DAPK1: variants seen among roughly 807,000 people sequenced by gnomAD.
DAPK1 encodes death-associated protein kinase 1.
A neutral mutation model predicts 144.9 loss-of-function variants in DAPK1; 56 were observed. The ratio of observed to expected loss-of-function variants is 0.39; its 90% CI spans 0.31 to 0.48. DAPK1 has a LOEUF of 0.48. DAPK1 is among the 20% of genes least tolerant of loss of function. The probability of loss-of-function intolerance (pLI) is 0.95; values close to 1 mark genes in which losing one functional copy is unlikely to be tolerated. For synonymous variants in DAPK1, 690 were observed against 749.0 expected, an observed-to-expected ratio of 0.92 and a Z score of 1.29; for missense variants, 1,454 against 1,875.4, an observed-to-expected ratio of 0.78 and a Z score of 4.15.
intron 2 of DAPK1, among the ~76,000 whole-genome samples, chr9:87,565,555 T>C (rs1378573824): frequency 6.7e-6 from 1 of 149,708 alleles, no homozygotes; most frequent in Non-Finnish European, 1.5e-5. Context: ...TGGAAGGGAA[T>C]TTACCTTCTG....
At chr9:87,702,091 C>T (rs1481524302) in intron 24 of DAPK1, among the ~76,000 whole-genome samples, 1 of 152,148 alleles carries the variant, frequency 6.6e-6, no homozygotes, top group Non-Finnish European at 1.5e-5. Flanking sequence ...GCTTCTCAGA[C>T]ACCCCCCGCC....
At chr9:87,497,459 C>T (rs1331007671), upstream of DAPK1, among the ~76,000 whole-genome samples, 2 of 152,228 alleles carry the variant, frequency 1.3e-5, no homozygotes, top group African/African-American at 4.8e-5. Flanking sequence ...TTAAAAAAAT[C>T]TGTTTTGTTC....
upstream of DAPK1, chr9:87,497,574 A>T (rs1824209821): frequency 6.5e-6 from 1 of 154,294 alleles, no homozygotes; most frequent in Non-Finnish European, 1.4e-5. Flanking sequence ...GTCAGAGGGC[A>T]GCTTAGCAAT....
At chr9:87,542,937 C>T (rs904156956) in intron 2 of DAPK1, among the ~76,000 whole-genome samples, 6 of 152,170 alleles carry the variant, frequency 3.9e-5, no homozygotes, top group Admixed American at 2.0e-4. Flanking sequence ...GGTAACTTGG[C>T]TCATAGGTAG....
chr9:87,654,103 G>A (rs1309911632), intron 17 of DAPK1, among the ~76,000 whole-genome samples: 1 of 152,104 alleles, frequency 6.6e-6, no homozygotes, highest in Non-Finnish European at 1.5e-5. Context: ...GCTATCATTT[G>A]GTGAAAAATG....
chr9:87,561,728 CA>C (rs1004895389), intron 2 of DAPK1, among the ~76,000 whole-genome samples: 3 of 152,170 alleles, frequency 2.0e-5, no homozygotes, highest in African/African-American at 7.2e-5. Context: ...GCCCCTTAGA[CA>C]GCAGTTTACT....
rs1171931280 is a variant in DAPK1 at position 87,536,714 on chromosome 9, TA to T, written c.62+37576del. Among the ~76,000 whole-genome samples, 5 of 152,334 alleles carry T rather than the reference TA, an allele frequency of 3.3e-5. No individual in the cohort carries two copies. In the East Asian group the frequency reaches 7.7e-4, roughly 24 times the overall value. Reference sequence around the variant, plus strand: ...CTAGGATTATCTTGTTTCTTTTGCGTATTTATAGCTACTTTTCCTATGTTAT... The same window carrying T: ...CTAGGATTATCTTGTTTCTTTTGCGTTTTATAGCTACTTTTCCTATGTTAT... On this transcript the variant is annotated intron_variant, in intron 2 of 25. Coordinates refer to ENST00000408954, the MANE Select transcript of DAPK1 (RefSeq NM_004938.4).
At chr9:87,561,392 G>A (rs1364746812) in intron 2 of DAPK1, among the ~76,000 whole-genome samples, 1 of 151,956 alleles carries the variant, frequency 6.6e-6, no homozygotes, top group East Asian at 1.9e-4. Flanking sequence ...CGGGCGTTGT[G>A]GCGGGCGCCT....
intron 19 of DAPK1, among the ~76,000 whole-genome samples, chr9:87,679,540 A>G (rs531055395): frequency 6.6e-6 from 1 of 152,170 alleles, no homozygotes; most frequent in Non-Finnish European, 1.5e-5. Context: ...GGTGCACTGA[A>G]CGCCTTGCCT....
Position 87,639,492 on chromosome 9 carries a change from C to T in DAPK1, c.553+9C>T. The T allele has an allele frequency of 6.2e-7, 1 of 1,610,776 alleles. No homozygotes were observed. The highest frequency in any genetic ancestry group is 1.1e-5 in the South Asian group (1 of 89,932). On this transcript the variant is annotated intron_variant, in intron 5 of 25. Coordinates refer to ENST00000408954, the MANE Select transcript of DAPK1 (RefSeq NM_004938.4). The stretch of plus-strand genomic sequence containing the variant: ...GACTCCAGAGTTTGTCGGTAAGTTT[C>T]TTTGCTCCTGTGGTCATTTACGTCT...
Position 87,581,813 on chromosome 9 carries a change from C to A in DAPK1, c.63-23141C>A, listed in dbSNP as rs538270977. Among the ~76,000 whole-genome samples, 88 of 152,336 alleles carry A rather than the reference C, an allele frequency of 5.8e-4. No individual in the cohort carries two copies. The Middle Eastern group carries it at 0.01, about 18-fold the overall frequency. On this transcript the variant is annotated intron_variant, in intron 2 of 25. Coordinates refer to ENST00000408954, the MANE Select transcript of DAPK1 (RefSeq NM_004938.4). Reference sequence around the variant, plus strand: ...GCCACCGGGGAACAAACCAGCAATTCATCTCATGCCTTTCATCTGGAGTAG... The same window carrying A: ...GCCACCGGGGAACAAACCAGCAATTAATCTCATGCCTTTCATCTGGAGTAG...
intron 2 of DAPK1, among the ~76,000 whole-genome samples, chr9:87,564,465 T>C (rs1424099392): frequency 6.6e-6 from 1 of 152,074 alleles, no homozygotes; most frequent in Admixed American, 6.6e-5. Context: ...TTATGAACAA[T>C]GGAAGTTTAT....
Position 87,700,126 on chromosome 9 carries a change from T to G in DAPK1, c.2760T>G (p.Asn920Lys). 1 of 1,611,966 alleles carries G rather than the reference T, an allele frequency of 6.2e-7. No individual in the cohort carries two copies. Among genetic ancestry groups the G allele is most frequent in the East Asian group, 2.2e-5 (1 of 44,870 alleles). ...GCTGCTCTTCCCTTAGGTTTGGAAA[T>G]GATCTTCACATTTCAAATAAGCTGT... is the stretch of plus-strand genomic sequence containing the variant. ...LLKEIRNRFG[N>K]DLHISNKLFV... Residue 920 changes from asparagine to lysine, a missense_variant, in exon 24 of 26, where the codon AAT becomes AAG. Physicochemically the swap from Asn to Lys is moderately conservative, Grantham distance 94 (BLOSUM62 0). Coordinates refer to ENST00000408954, the MANE Select transcript of DAPK1 (RefSeq NM_004938.4).
At chr9:87,526,187 G>A (rs1444146557) in intron 2 of DAPK1, among the ~76,000 whole-genome samples, 1 of 151,724 alleles carries the variant, frequency 6.6e-6, no homozygotes, top group Non-Finnish European at 1.5e-5. Context: ...TATAGTTTGT[G>A]TTCAGTAACA....
Position 87,687,611 on chromosome 9 carries a change from C to T in DAPK1, c.2413+872C>T, listed in dbSNP as rs1029079831. On this transcript the variant is annotated intron_variant, in intron 21 of 25. Transcript: ENST00000408954. ...GTGCTGAAGTAAACATGGGCGTGCA[C>T]GTATCCCTTTGATATACTGATTTCC... Among the ~76,000 whole-genome samples, 7 of 152,118 alleles carry T rather than the reference C, an allele frequency of 4.6e-5. No individual in the cohort carries two copies. In the South Asian group the frequency reaches 8.3e-4, roughly 18 times the overall value.
intron 17 of DAPK1, 165 bp from the exon 18 acceptor site, chr9:87,657,864 C>A: frequency 1.6e-6 from 1 of 632,822 alleles, no homozygotes. Flanking sequence ...AAAGGTTCTG[C>A]CTGGCTGGCC....
chr9:87,660,091 G>C (rs1223604463), intron 18 of DAPK1, among the ~76,000 whole-genome samples: 1 of 152,210 alleles, frequency 6.6e-6, no homozygotes, highest in East Asian at 1.9e-4. Flanking sequence ...GCCGGACAGA[G>C]TCCCGGGAGG....
intron 2 of DAPK1, among the ~76,000 whole-genome samples, chr9:87,547,556 A>C (rs1952592): frequency 0.31 from 46,000 of 149,286 alleles, 7,287 homozygotes; most frequent in Middle Eastern, 0.42. Context: ...ACAGAACCAT[A>C]AGTGTGTGTG....
intron 24 of DAPK1, among the ~76,000 whole-genome samples, chr9:87,702,457 T>C (rs949762198): frequency 7.2e-5 from 11 of 152,340 alleles, no homozygotes; most frequent in African/African-American, 2.6e-4. Flanking sequence ...ATGATGATAC[T>C]CATTCTCTTT....
Sources: allele counts gnomAD v4.1 joint callset (sites outside exome capture counted in the v4.1 genomes callset), GRCh38; gene constraint gnomAD v4.1.1; transcripts MANE v1.5; gene names NCBI Gene and HGNC (gene_info 2026-07-23, HGNC 2026-07-21).